ENOX1: variants seen among roughly 807,000 people sequenced by gnomAD.
ENOX1 encodes the protein candidate growth-related and time keeping constitutive hydroquinone (NADH) oxidase.
A neutral mutation model predicts 82.5 loss-of-function variants in ENOX1; 42 were observed. The observed-to-expected ratio is 0.51, with a 90% confidence interval of 0.40 to 0.66. The LOEUF (loss-of-function observed/expected upper bound fraction) is 0.66, where lower values mean the gene tolerates loss of function less well. ENOX1 is among the 30% of genes least tolerant of loss of function. The pLI is 0.00. For synonymous variants in ENOX1, 271 were observed against 282.2 expected, an observed-to-expected ratio of 0.96 and a Z score of 0.40; for missense variants, 608 against 811.6, an observed-to-expected ratio of 0.75 and a Z score of 3.05.
At chr13:43,271,377 C>T (rs2044672866) in intron 12 of ENOX1, among the ~76,000 whole-genome samples, 1 of 151,980 alleles carries the variant, frequency 6.6e-6, no homozygotes, top group Non-Finnish European at 1.5e-5. Context: ...ATTCAGGTTA[C>T]AAAATGTAAC....
intron 1 of ENOX1, among the ~76,000 whole-genome samples, chr13:43,743,094 T>G (rs1328582681): frequency 6.6e-6 from 1 of 152,110 alleles, no homozygotes; most frequent in Non-Finnish European, 1.5e-5. Flanking sequence ...TTTATTAGGG[T>G]CTTGAACTGA....
At chr13:43,634,572 G>T (rs1269397614) in intron 2 of ENOX1, among the ~76,000 whole-genome samples, 2 of 152,184 alleles carry the variant, frequency 1.3e-5, no homozygotes, top group Admixed American at 6.5e-5. Flanking sequence ...GGAGACGGCT[G>T]CCCAGGCTTT....
chr13:43,332,990 TACAA>T (rs1425573518), intron 9 of ENOX1, among the ~76,000 whole-genome samples: 2 of 152,344 alleles, frequency 1.3e-5, no homozygotes, highest in East Asian at 1.9e-4. Flanking sequence ...ATGCATATAG[TACAA>T]ACAGTGTGTA....
At chr13:43,428,981 T>C (rs566562632) in intron 3 of ENOX1, among the ~76,000 whole-genome samples, 38 of 152,312 alleles carry the variant, frequency 2.5e-4, no homozygotes, top group African/African-American at 7.5e-4. Context: ...TCATCACCCA[T>C]TGTGGCGGCT....
At chr13:43,454,841 ATT>A (rs3044064) in intron 3 of ENOX1, among the ~76,000 whole-genome samples, 133 of 143,050 alleles carry the variant, frequency 9.3e-4, no homozygotes, top group Middle Eastern at 3.7e-3. Context: ...TATTGAAACC[ATT>A]TTTTTTTTTT....
intron 3 of ENOX1, among the ~76,000 whole-genome samples, chr13:43,478,787 A>G: frequency 6.6e-6 from 1 of 152,164 alleles, no homozygotes. Context: ...TTAATTCATG[A>G]ATTCTTCTCA....
chr13:43,229,549 A>G (rs1350044658), intron 15 of ENOX1, among the ~76,000 whole-genome samples: 1 of 152,090 alleles, frequency 6.6e-6, no homozygotes, highest in African/African-American at 2.4e-5. Context: ...GATTAGATTT[A>G]AATTCTAAAT....
At chr13:43,510,340 T>C (rs111941029) in intron 2 of ENOX1, among the ~76,000 whole-genome samples, 2,003 of 152,202 alleles carry the variant, frequency 0.013, 46 homozygotes, top group African/African-American at 0.046. Flanking sequence ...CTTTTAAGAA[T>C]GTAAGTTCCA....
At chr13:43,530,541 T>G (rs1356043363) in intron 2 of ENOX1, among the ~76,000 whole-genome samples, 2 of 152,098 alleles carry the variant, frequency 1.3e-5, no homozygotes. Flanking sequence ...CCCCAGGATT[T>G]GAAAATAGTT....
At chr13:43,240,348 GAGA>G (rs1464267390) in intron 14 of ENOX1, among the ~76,000 whole-genome samples, 2 of 152,188 alleles carry the variant, frequency 1.3e-5, no homozygotes, top group African/African-American at 4.8e-5. Flanking sequence ...AAAGAAATAT[GAGA>G]AGATGAAGCT....
intron 2 of ENOX1, among the ~76,000 whole-genome samples, chr13:43,572,574 G>C (rs2080232363): frequency 1.3e-5 from 2 of 152,196 alleles, no homozygotes; most frequent in South Asian, 2.1e-4. Flanking sequence ...GACCAAAGTG[G>C]AAAAAGCAAT....
intron 1 of ENOX1, among the ~76,000 whole-genome samples, chr13:43,755,090 A>C (rs908640415): frequency 2.6e-5 from 4 of 152,268 alleles, no homozygotes; most frequent in Admixed American, 6.5e-5. Context: ...TTAAAAAAAA[A>C]AAAAAGATAC....
At chr13:43,447,157 G>A (rs2056693734) in intron 3 of ENOX1, among the ~76,000 whole-genome samples, 1 of 152,166 alleles carries the variant, frequency 6.6e-6, no homozygotes, top group Non-Finnish European at 1.5e-5. Flanking sequence ...ATAACACATT[G>A]CAAATGTTGA....
At chr13:43,522,301 C>T (rs560502189) in intron 2 of ENOX1, among the ~76,000 whole-genome samples, 1 of 151,972 alleles carries the variant, frequency 6.6e-6, no homozygotes, top group African/African-American at 2.4e-5. Flanking sequence ...GCTTAATGAG[C>T]TTTTTGTGTA....
At chr13:43,329,315 T>C (rs1233615081) in intron 9 of ENOX1, among the ~76,000 whole-genome samples, 1 of 152,082 alleles carries the variant, frequency 6.6e-6, no homozygotes, top group African/African-American at 2.4e-5. Context: ...GGCTCTGGCA[T>C]GGAGTGTGGC....
At chr13:43,738,602 G>T (rs984122652) in intron 1 of ENOX1, among the ~76,000 whole-genome samples, 14 of 152,102 alleles carry the variant, frequency 9.2e-5, no homozygotes, top group Non-Finnish European at 1.9e-4. Flanking sequence ...GAAAGGTTTT[G>T]AAAAAATATA....
intron 1 of ENOX1, among the ~76,000 whole-genome samples, chr13:43,721,528 G>A (rs980192571): frequency 1.3e-5 from 2 of 150,514 alleles, no homozygotes; most frequent in South Asian, 2.1e-4. Flanking sequence ...ACAGGCGCCC[G>A]CCACTACGCC....
At chr13:43,585,576 T>C (rs2080939554) in intron 2 of ENOX1, among the ~76,000 whole-genome samples, 1 of 152,140 alleles carries the variant, frequency 6.6e-6, no homozygotes, top group Non-Finnish European at 1.5e-5. Context: ...TTAAGTTTTG[T>C]TTTTCTGTTT....
intron 3 of ENOX1, among the ~76,000 whole-genome samples, chr13:43,478,320 G>A (rs1593404952): frequency 2.0e-5 from 3 of 151,974 alleles, no homozygotes; most frequent in Admixed American, 6.6e-5. Context: ...TTTATTATAT[G>A]CTATTTTTCA....
Sources: allele counts gnomAD v4.1 joint callset (sites outside exome capture counted in the v4.1 genomes callset), GRCh38; gene constraint gnomAD v4.1.1; transcripts MANE v1.5; gene names NCBI Gene and HGNC (gene_info 2026-07-23, HGNC 2026-07-21).